ADGRL3: variants seen among roughly 807,000 people sequenced by gnomAD.
ADGRL3 encodes the protein calcium-independent alpha-latrotoxin receptor 3.
Under a neutral mutation model 153.5 loss-of-function variants are expected in ADGRL3, and 62 were observed. That is an observed-to-expected ratio of 0.40 (90% CI 0.33 to 0.50). The LOEUF (loss-of-function observed/expected upper bound fraction) is 0.50, where lower values mean the gene tolerates loss of function less well. Among genes scored for constraint, ADGRL3 ranks in the 20% least tolerant of loss-of-function variants. The probability of loss-of-function intolerance (pLI) is 0.47; values close to 1 mark genes in which losing one functional copy is unlikely to be tolerated. For synonymous variants in ADGRL3, 710 were observed against 672.5 expected (o/e 1.06, Z -0.86); for missense variants, 1,641 against 1,859.4 (o/e 0.88, Z 2.16).
intron 17 of ADGRL3, among the ~76,000 whole-genome samples, chr4:61,974,106 T>A (rs568179653): frequency 6.6e-6 from 1 of 152,184 alleles, no homozygotes; most frequent in East Asian, 1.9e-4. Flanking sequence ...TAGCTGTGAC[T>A]ACAGGCACCC....
At chr4:61,930,277 AG>A (rs1421038785) in intron 13 of ADGRL3, among the ~76,000 whole-genome samples, 6 of 152,034 alleles carry the variant, frequency 3.9e-5, no homozygotes, top group Non-Finnish European at 7.4e-5. Flanking sequence ...AAATGGAGGA[AG>A]GGGGGTAACT....
intron 13 of ADGRL3, among the ~76,000 whole-genome samples, chr4:61,913,307 T>C (rs2098730587): frequency 6.6e-6 from 1 of 152,188 alleles, no homozygotes; most frequent in South Asian, 2.1e-4. Context: ...TGTAAGCATG[T>C]TGTAATTTAT....
At chr4:61,821,959 A>G (rs1373068396) in intron 9 of ADGRL3, among the ~76,000 whole-genome samples, 1 of 152,236 alleles carries the variant, frequency 6.6e-6, no homozygotes, top group African/African-American at 2.4e-5. Context: ...CTAGTTAAGT[A>G]TAAAAACAGT....
At chr4:61,664,331 A>T (rs975935512) in intron 5 of ADGRL3, among the ~76,000 whole-genome samples, 1 of 152,228 alleles carries the variant, frequency 6.6e-6, no homozygotes, top group African/African-American at 2.4e-5. Context: ...AAAGAATATC[A>T]TCCTCTTTAA....
intron 2 of ADGRL3, among the ~76,000 whole-genome samples, chr4:61,386,434 A>C (rs986842662): frequency 2.4e-4 from 36 of 152,196 alleles, no homozygotes; most frequent in African/African-American, 8.0e-4. Flanking sequence ...AGTTAATGAT[A>C]GTACACAGCA....
chr4:61,816,811 C>T (rs1384540479), intron 9 of ADGRL3, among the ~76,000 whole-genome samples: 1 of 152,122 alleles, frequency 6.6e-6, no homozygotes, highest in Non-Finnish European at 1.5e-5. Flanking sequence ...CACCCCCTAC[C>T]AAGTTAAAGG....
At chr4:61,823,104 A>C (rs147482673) in intron 9 of ADGRL3, among the ~76,000 whole-genome samples, 1 of 152,032 alleles carries the variant, frequency 6.6e-6, no homozygotes, top group East Asian at 1.9e-4. Flanking sequence ...CCTCTCCCCA[A>C]ATCCCATGCG....
At chr4:61,775,117 G>A (rs79136687) in intron 8 of ADGRL3, among the ~76,000 whole-genome samples, 2,563 of 152,108 alleles carry the variant, frequency 0.017, 70 homozygotes, top group African/African-American at 0.058. Context: ...ATGCCAAGTG[G>A]CATATTTTGG....
intron 5 of ADGRL3, among the ~76,000 whole-genome samples, chr4:61,631,457 T>C (rs1373596433): frequency 6.6e-6 from 1 of 152,214 alleles, no homozygotes; most frequent in East Asian, 1.9e-4. Context: ...AAGGAACCCT[T>C]TTCATCATAA....
rs566060140 is a variant in ADGRL3 at position 61,562,854 on chromosome 4, A to C, written c.260-24373A>C. 2.5e-4 allele frequency among the ~76,000 whole-genome samples: 38 copies of C among 151,124 alleles called. 1 individual carries two copies. The South Asian group carries it at 7.3e-3, about 29-fold the overall frequency. On this transcript the variant is annotated intron_variant, in intron 4 of 26. Coordinates refer to ENST00000683033, the MANE Select transcript of ADGRL3 (RefSeq NM_001387552.1). The stretch of plus-strand genomic sequence containing the variant: ...TGGCATTAAGAATGGTAAATCCTCA[A>C]TCCTTGCTTGAACCTAGCAGTTCAC...
intron 6 of ADGRL3, among the ~76,000 whole-genome samples, chr4:61,722,218 T>A (rs2096254826): frequency 6.6e-6 from 1 of 152,216 alleles, no homozygotes; most frequent in South Asian, 2.1e-4. Flanking sequence ...CTGATTCTAT[T>A]GACAAGATAA....
At chr4:61,374,145 G>T (rs999442368) in intron 1 of ADGRL3, among the ~76,000 whole-genome samples, 4 of 151,958 alleles carry the variant, frequency 2.6e-5, no homozygotes, top group Admixed American at 6.6e-5. Context: ...TGAATTCTTT[G>T]GGTAGAAAAA....
chr4:61,798,130 T>G (rs1468257638), intron 8 of ADGRL3, among the ~76,000 whole-genome samples: 7 of 152,328 alleles, frequency 4.6e-5, no homozygotes, highest in Admixed American at 3.3e-4. Context: ...ATGAATTTTC[T>G]GAAACAATTT....
intron 5 of ADGRL3, among the ~76,000 whole-genome samples, chr4:61,658,431 T>G (rs1378148854): frequency 2.0e-5 from 3 of 152,168 alleles, no homozygotes; most frequent in Non-Finnish European, 4.4e-5. Context: ...AACCTTTACA[T>G]AAATAACATA....
intron 2 of ADGRL3, among the ~76,000 whole-genome samples, chr4:61,485,914 C>CTT (rs5858704): frequency 1.4e-5 from 2 of 147,572 alleles, no homozygotes; most frequent in African/African-American, 5.0e-5. Context: ...CTATGGAATG[C>CTT]TTTTTTTTTT....
intron 5 of ADGRL3, among the ~76,000 whole-genome samples, chr4:61,666,603 A>G (rs1304725230): frequency 1.8e-4 from 27 of 152,044 alleles, no homozygotes. Context: ...GGATTCAGAT[A>G]GTAATATCCT....
At chr4:61,749,987 T>A (rs944347115) in intron 8 of ADGRL3, among the ~76,000 whole-genome samples, 5 of 152,090 alleles carry the variant, frequency 3.3e-5, no homozygotes, top group African/African-American at 1.2e-4. Context: ...AGAAGATGAA[T>A]GATTCATTGA....
intron 9 of ADGRL3, among the ~76,000 whole-genome samples, chr4:61,850,974 A>T (rs2098195366): frequency 1.3e-5 from 2 of 152,300 alleles, no homozygotes; most frequent in East Asian, 1.9e-4. Flanking sequence ...TGAAATTTTA[A>T]AAAGCACATT....
Position 61,524,603 on chromosome 4 carries a change from T to C in ADGRL3, c.259+7085T>C, listed in dbSNP as rs1055045708. ...TCTCAGCTTTACTGTTTACTAACTA[T>C]CTTACCCAAGTCCAGGGACTTATAT... On this transcript the variant is annotated intron_variant, in intron 4 of 26. Transcript: ENST00000683033. 2.6e-5 allele frequency among the ~76,000 whole-genome samples: 4 copies of C among 152,064 alleles called. No homozygotes were observed. In the South Asian group the frequency reaches 6.2e-4, roughly 24 times the overall value.
Sources: allele counts gnomAD v4.1 joint callset (sites outside exome capture counted in the v4.1 genomes callset), GRCh38; gene constraint gnomAD v4.1.1; transcripts MANE v1.5; gene names NCBI Gene and HGNC (gene_info 2026-07-23, HGNC 2026-07-21).